Variants in ALCAM observed in about 807,000 individuals in gnomAD.
ALCAM encodes the protein activated leukocyte cell adhesion molecule.
ALCAM carries 30 observed loss-of-function variants against 70.9 expected under a neutral mutation model. The ratio of observed to expected loss-of-function variants is 0.42; its 90% CI spans 0.32 to 0.57. The LOEUF is 0.57. Among genes scored for constraint, ALCAM ranks in the 20% least tolerant of loss-of-function variants. The pLI is 0.11. For missense variants in ALCAM, 591 were observed against 695.1 expected, an observed-to-expected ratio of 0.85 and a Z score of 1.68; for synonymous variants, 249 against 242.5, an observed-to-expected ratio of 1.03 and a Z score of -0.25.
chr3:105,446,496 A>G (rs1937301038), intron 1 of ALCAM, among the ~76,000 whole-genome samples: 1 of 152,102 alleles, frequency 6.6e-6, no homozygotes, highest in Non-Finnish European at 1.5e-5. Flanking sequence ...TTAGGTTGGT[A>G]TGTTGAAGAG....
At chr3:105,387,129 C>T (rs1935679865) in intron 1 of ALCAM, among the ~76,000 whole-genome samples, 1 of 151,430 alleles carries the variant, frequency 6.6e-6, no homozygotes. Flanking sequence ...ATTATATGTT[C>T]CACAGCAGTC....
chr3:105,430,624 C>T lies in ALCAM; in HGVS notation c.73+63143C>T, dbSNP rs530673605. Among the ~76,000 whole-genome samples, 12 of 152,104 alleles carry T rather than the reference C, an allele frequency of 7.9e-5. No individual in the cohort carries two copies. The South Asian group carries it at 2.5e-3, about 32-fold the overall frequency. ...TGATCCCCTGGCTAAGTTGGTGTTG[C>T]CGTATTTCTCCACTATGAAGTTACG... On this transcript the variant is annotated intron_variant, in intron 1 of 15. Transcript: ENST00000306107.
In ALCAM at chr3:105,468,414, A is replaced by T. The variant is rs929014328; in HGVS notation, c.74-51653A>T. Among the ~76,000 whole-genome samples, 21 of 151,460 alleles carry T rather than the reference A, an allele frequency of 1.4e-4. No homozygotes were observed. In the East Asian group the frequency reaches 1.6e-3, roughly 11 times the overall value. ...ACATTCTTCCCAAGTGATAAATAGT[A>T]AACTCTTCTTTTAATCATCAGACTG... On this transcript the variant is annotated intron_variant, in intron 1 of 15. Coordinates refer to ENST00000306107, the MANE Select transcript of ALCAM (RefSeq NM_001627.4).
At chr3:105,431,601 G>A (rs1936934350) in intron 1 of ALCAM, among the ~76,000 whole-genome samples, 1 of 152,120 alleles carries the variant, frequency 6.6e-6, no homozygotes, top group Non-Finnish European at 1.5e-5. Flanking sequence ...ACTCCGTGGT[G>A]CCAGAAACTG....
chr3:105,563,667 CTTTTTTTTTTTTTTTTT>C (rs749625480), intron 14 of ALCAM, among the ~76,000 whole-genome samples: 1 of 52,034 alleles, frequency 1.9e-5, no homozygotes, highest in African/African-American at 1.0e-4. Context: ...CCAAGCATTT[CTTTTTTTTTTTTTTTTT>C]TTTTTTTTTT....
In ALCAM at chr3:105,571,882, C is replaced by A; in HGVS notation, c.1695C>A (p.Leu565=). The A allele has an allele frequency of 6.2e-7, 1 of 1,613,004 alleles. No individual in the cohort carries two copies. Among genetic ancestry groups the A allele is most frequent in the Non-Finnish European group, 8.5e-7 (1 of 1,179,354 alleles). ...KTASKHVNKD[L]GNMEENKKLE... is the part of the protein sequence containing the mutation. Reference sequence around the variant, plus strand: ...CATCAAAACATGTAAACAAGGACCTCGGTAATATGGAAGAAAACAAAAAGT... The same window carrying A: ...CATCAAAACATGTAAACAAGGACCTAGGTAATATGGAAGAAAACAAAAAGT... Residue 565 remains leucine (L), a synonymous_variant, in exon 15 of 16, where the codon CTC becomes CTA. Coordinates refer to ENST00000306107, the MANE Select transcript of ALCAM (RefSeq NM_001627.4).
chr3:105,452,268 T>C (rs1264312036), intron 1 of ALCAM, among the ~76,000 whole-genome samples: 1 of 152,068 alleles, frequency 6.6e-6, no homozygotes, highest in Non-Finnish European at 1.5e-5. Flanking sequence ...CCTCTCTGTG[T>C]CCATGTGTTC....
At chr3:105,561,760 TA>T (rs1940635232) in intron 14 of ALCAM, among the ~76,000 whole-genome samples, 2 of 152,168 alleles carry the variant, frequency 1.3e-5, no homozygotes, top group African/African-American at 2.4e-5. Context: ...TATTCCTGAT[TA>T]TATTTATTAC....
At chr3:105,405,229 A>T (rs1936192587) in intron 1 of ALCAM, among the ~76,000 whole-genome samples, 1 of 147,412 alleles carries the variant, frequency 6.8e-6, no homozygotes, top group Admixed American at 6.9e-5. Context: ...GTGAACCAAG[A>T]TCATACTATT....
At chr3:105,493,528 G>A (rs1375579523) in intron 1 of ALCAM, among the ~76,000 whole-genome samples, 1 of 152,086 alleles carries the variant, frequency 6.6e-6, no homozygotes, top group Non-Finnish European at 1.5e-5. Flanking sequence ...AATTACATGA[G>A]GCCTTAAAAC....
chr3:105,547,647 C>G (rs967694197), intron 11 of ALCAM, 124 bp downstream of exon 11: 13 of 1,208,584 alleles, frequency 1.1e-5, no homozygotes, highest in East Asian at 1.0e-4. Context: ...TGGTTTGTTA[C>G]CACATAGAAT....
intron 1 of ALCAM, among the ~76,000 whole-genome samples, chr3:105,384,467 T>G (rs1161062813): frequency 6.6e-6 from 1 of 151,522 alleles, no homozygotes; most frequent in Non-Finnish European, 1.5e-5. Flanking sequence ...TTCCCAGTCC[T>G]TCAGAATTTT....
At chr3:105,525,421 T>G (rs1939676562) in intron 3 of ALCAM, 3 of 929,020 alleles carry the variant, frequency 3.2e-6, no homozygotes, top group Non-Finnish European at 3.9e-6. Flanking sequence ...TCACAATATT[T>G]TAGACACTAC....
intron 1 of ALCAM, among the ~76,000 whole-genome samples, chr3:105,396,477 G>T (rs1053347536): frequency 6.6e-6 from 1 of 152,008 alleles, no homozygotes; most frequent in Admixed American, 6.6e-5. Context: ...AGACAAAACT[G>T]AGAAACGGGA....
At chr3:105,489,248 G>A (rs185170388) in intron 1 of ALCAM, among the ~76,000 whole-genome samples, 26 of 152,168 alleles carry the variant, frequency 1.7e-4, no homozygotes, top group African/African-American at 5.1e-4. Flanking sequence ...ATCAAAATTC[G>A]GATTCAGTAG....
At chr3:105,489,001 A>C (rs530995388) in intron 1 of ALCAM, among the ~76,000 whole-genome samples, 1 of 152,340 alleles carries the variant, frequency 6.6e-6, no homozygotes, top group Admixed American at 6.5e-5. Flanking sequence ...TGTTTAAAGC[A>C]TGAGAGTTTA....
intron 6 of ALCAM, among the ~76,000 whole-genome samples, chr3:105,539,338 A>C (rs1202926752): frequency 6.6e-6 from 1 of 152,058 alleles, no homozygotes; most frequent in African/African-American, 2.4e-5. Flanking sequence ...TATTTTCTCC[A>C]TAAATTGACC....
At chr3:105,432,850 G>A (rs1185500255) in intron 1 of ALCAM, among the ~76,000 whole-genome samples, 2 of 152,126 alleles carry the variant, frequency 1.3e-5, no homozygotes, top group Non-Finnish European at 2.9e-5. Context: ...GCACAAACCA[G>A]TATGTTATTA....
At chr3:105,528,571 G>T (rs1309637131) in intron 3 of ALCAM, among the ~76,000 whole-genome samples, 1 of 152,128 alleles carries the variant, frequency 6.6e-6, no homozygotes, top group Non-Finnish European at 1.5e-5. Context: ...ATGGGTATTA[G>T]TGAAAGCCCT....
Sources: gnomAD v4.1 joint callset for allele counts (sites outside exome capture counted in the v4.1 genomes callset) on GRCh38, gnomAD v4.1.1 for gene constraint, MANE v1.5 for transcripts, NCBI Gene and HGNC (gene_info 2026-07-23, HGNC 2026-07-21) for gene names.